Variants in PDZRN4 observed in about 807,000 individuals in gnomAD.
The protein encoded by PDZRN4 is PDZ domain-containing RING finger protein 4.
A neutral mutation model predicts 99.0 loss-of-function variants in PDZRN4; 70 were observed. The ratio of observed to expected loss-of-function variants is 0.71; its 90% CI spans 0.58 to 0.86. The LOEUF is 0.86. Ranked by LOEUF, PDZRN4 falls within the 40% of genes least tolerant of loss-of-function variation. The pLI is 0.00. For synonymous variants in PDZRN4, 551 were observed against 501.6 expected (o/e 1.10, Z -1.32); for missense variants, 1,474 against 1,331.2 (o/e 1.11, Z -1.67).
chr12:41,227,133 C>A (rs1951000332), intron 3 of PDZRN4, among the ~76,000 whole-genome samples: 1 of 151,954 alleles, frequency 6.6e-6, no homozygotes, highest in Admixed American at 6.6e-5. Flanking sequence ...TTATTTTTTA[C>A]AGATAGTAAG....
intron 3 of PDZRN4, among the ~76,000 whole-genome samples, chr12:41,408,433 A>G (rs1460751298): frequency 1.3e-5 from 2 of 152,190 alleles, no homozygotes; most frequent in South Asian, 2.1e-4. Flanking sequence ...CCAGAGTCCA[A>G]GTTTTCTCAA....
At chr12:41,555,226 G>T (rs1939133387) in intron 6 of PDZRN4, among the ~76,000 whole-genome samples, 2 of 9,834 alleles carry the variant, frequency 2.0e-4, no homozygotes, top group Non-Finnish European at 2.2e-4. Flanking sequence ...GCCAGACTCT[G>T]TCTCAAAAAA....
chr12:41,373,503 C>G (rs530557902), intron 3 of PDZRN4, among the ~76,000 whole-genome samples: 1 of 152,082 alleles, frequency 6.6e-6, no homozygotes, highest in African/African-American at 2.4e-5. Flanking sequence ...AATATTTTTC[C>G]CATTTGCTTT....
chr12:41,405,233 T>C (rs1048360240), intron 3 of PDZRN4, among the ~76,000 whole-genome samples: 1 of 151,880 alleles, frequency 6.6e-6, no homozygotes, highest in Non-Finnish European at 1.5e-5. Context: ...CCAGAATCGA[T>C]AATGAACTTA....
At chr12:41,333,529 C>A (rs1261137339) in intron 3 of PDZRN4, among the ~76,000 whole-genome samples, 1 of 152,120 alleles carries the variant, frequency 6.6e-6, no homozygotes, top group Non-Finnish European at 1.5e-5. Flanking sequence ...GTGTTAGATT[C>A]TGAGTTCCAG....
chr12:41,198,898 A>G (rs748806161), intron 3 of PDZRN4, among the ~76,000 whole-genome samples: 3 of 151,456 alleles, frequency 2.0e-5, no homozygotes, highest in Non-Finnish European at 4.4e-5. Flanking sequence ...TACCAACTAC[A>G]CTTTCTTTTA....
chr12:41,474,572 C>T (rs1953022689), intron 3 of PDZRN4, among the ~76,000 whole-genome samples: 1 of 152,204 alleles, frequency 6.6e-6, no homozygotes. Flanking sequence ...GGTCTGTGTT[C>T]TTATGCACTC....
At chr12:41,484,053 C>T (rs878898625) in intron 3 of PDZRN4, among the ~76,000 whole-genome samples, 3 of 152,058 alleles carry the variant, frequency 2.0e-5, no homozygotes, top group Admixed American at 2.0e-4. Flanking sequence ...GTGTAAGATT[C>T]TACTCCTCCT....
intron 3 of PDZRN4, among the ~76,000 whole-genome samples, chr12:41,385,042 A>T (rs1952158487): frequency 6.6e-6 from 1 of 152,220 alleles, no homozygotes; most frequent in South Asian, 2.1e-4. Context: ...CACCTACTTG[A>T]TGCCAACTAT....
chr12:41,479,092 C>G (rs997910862), intron 3 of PDZRN4, among the ~76,000 whole-genome samples: 1 of 152,000 alleles, frequency 6.6e-6, no homozygotes. Context: ...TACTCAATAT[C>G]ACAATTGACA....
chr12:41,251,599 T>C (rs543503405), intron 3 of PDZRN4, among the ~76,000 whole-genome samples: 1 of 152,306 alleles, frequency 6.6e-6, no homozygotes, highest in African/African-American at 2.4e-5. Flanking sequence ...GTTAGTTTAT[T>C]TTGATGCAAA....
chr12:41,461,037 G>A (rs1005526340), intron 3 of PDZRN4, among the ~76,000 whole-genome samples: 13 of 152,148 alleles, frequency 8.5e-5, no homozygotes, highest in Admixed American at 7.9e-4. Flanking sequence ...GTTCCCTAGA[G>A]TTTCCCTGTG....
intron 5 of PDZRN4, among the ~76,000 whole-genome samples, chr12:41,535,848 C>T (rs1938739732): frequency 6.6e-6 from 1 of 152,172 alleles, no homozygotes; most frequent in South Asian, 2.1e-4. Flanking sequence ...ACTTCCCAGC[C>T]CTCCAGAACC....
At chr12:41,396,291 C>G (rs1952245135) in intron 3 of PDZRN4, among the ~76,000 whole-genome samples, 1 of 152,150 alleles carries the variant, frequency 6.6e-6, no homozygotes, top group African/African-American at 2.4e-5. Flanking sequence ...GCAGTCCTAT[C>G]AAAGACCATA....
At chr12:41,466,164 A>G (rs1381872533) in intron 3 of PDZRN4, among the ~76,000 whole-genome samples, 1 of 152,162 alleles carries the variant, frequency 6.6e-6, no homozygotes, top group Non-Finnish European at 1.5e-5. Flanking sequence ...CCTATTGTGT[A>G]GGGAATCTCA....
intron 5 of PDZRN4, among the ~76,000 whole-genome samples, chr12:41,524,573 A>G (rs1938541550): frequency 6.6e-6 from 1 of 152,268 alleles, no homozygotes; most frequent in Admixed American, 6.5e-5. Context: ...ACGCAAAGAA[A>G]AAGGCCAGAG....
intron 3 of PDZRN4, among the ~76,000 whole-genome samples, chr12:41,300,928 T>G (rs1239903046): frequency 6.6e-6 from 1 of 152,074 alleles, no homozygotes. Flanking sequence ...TTCTGTGTTA[T>G]GGCTTCTGTT....
At chr12:41,403,554 A>G (rs1952320425) in intron 3 of PDZRN4, among the ~76,000 whole-genome samples, 1 of 152,134 alleles carries the variant, frequency 6.6e-6, no homozygotes, top group Non-Finnish European at 1.5e-5. Context: ...TTCTCTTTAT[A>G]TGTTAAGCCA....
intron 3 of PDZRN4, among the ~76,000 whole-genome samples, chr12:41,215,607 C>T (rs895801515): frequency 2.6e-5 from 4 of 152,010 alleles, no homozygotes; most frequent in African/African-American, 4.8e-5. Flanking sequence ...ATTAGAACCT[C>T]AACAGATTGT....
Sources: gnomAD v4.1 joint callset for allele counts (sites outside exome capture counted in the v4.1 genomes callset) on GRCh38, gnomAD v4.1.1 for gene constraint, MANE v1.5 for transcripts, NCBI Gene and HGNC (gene_info 2026-07-23, HGNC 2026-07-21) for gene names.